ERN1: variants seen among roughly 807,000 people sequenced by gnomAD.
The protein encoded by ERN1 is serine/threonine-protein kinase/endoribonuclease IRE1.
A neutral mutation model predicts 113.1 loss-of-function variants in ERN1; 39 were observed. The observed-to-expected ratio is 0.34, with a 90% CI of 0.27 to 0.45. The LOEUF (loss-of-function observed/expected upper bound fraction) is 0.45. Ranked by LOEUF, ERN1 falls within the 20% of genes least tolerant of loss-of-function variation. The pLI, the probability that ERN1 is intolerant of heterozygous loss-of-function variation, is 1.00. For synonymous variants in ERN1, 507 were observed against 515.9 expected (o/e 0.98, Z 0.23); for missense variants, 976 against 1,274.8 (o/e 0.77, Z 3.57).
chr17:64,042,441 AC>A lies in ERN1; in HGVS notation c.*1546del, dbSNP rs986947042. On this transcript the variant is annotated 3_prime_UTR_variant, in exon 22 of 22. Coordinates refer to ENST00000433197, the MANE Select transcript of ERN1 (RefSeq NM_001433.5). ...CAAATACACAAACAGAAAACATCTT[AC>A]AACATGAAGAAACAGTGATTTCTCT... 1.3e-5 allele frequency: 2 copies of A among 152,374 alleles called. No homozygotes were observed. Among genetic ancestry groups the A allele is most frequent in the Non-Finnish European group, 2.9e-5 (2 of 68,034 alleles). The allele number at this position is 152,374 out of a possible 1,614,324, so 9.4% of individuals were successfully genotyped here.
At chr17:64,103,039 C>T in intron 1 of ERN1, 1 of 764,186 alleles carries the variant, frequency 1.3e-6, no homozygotes, top group Non-Finnish European at 1.6e-6. Context: ...GCTAATTGGT[C>T]CCCACAGACA....
chr17:64,096,064 T>G (rs1412529274), intron 2 of ERN1, among the ~76,000 whole-genome samples: 1 of 152,162 alleles, frequency 6.6e-6, no homozygotes, highest in African/African-American at 2.4e-5. Flanking sequence ...AAGGTCTGCC[T>G]TTTTCATTTT....
At chr17:64,108,108 T>C (rs1444037451) in intron 1 of ERN1, among the ~76,000 whole-genome samples, 1 of 152,156 alleles carries the variant, frequency 6.6e-6, no homozygotes, top group Non-Finnish European at 1.5e-5. Flanking sequence ...CTTTCAGTGT[T>C]TGTGGCAAGT....
chr17:64,052,063 T>G (rs1251689950), intron 17 of ERN1, among the ~76,000 whole-genome samples: 2 of 152,198 alleles, frequency 1.3e-5, no homozygotes, highest in Admixed American at 1.3e-4. Context: ...GATACACAGG[T>G]ATTCATGTTA....
chr17:64,079,755 A>G (rs1030284305), intron 3 of ERN1, 21 bp from the exon 4 acceptor site: 2 of 1,595,548 alleles, frequency 1.3e-6, no homozygotes, highest in African/African-American at 2.7e-5. Flanking sequence ...AATAATAAAT[A>G]TCAAAGATAA....
At chr17:64,064,792 T>C (rs1598054473) in intron 9 of ERN1, among the ~76,000 whole-genome samples, 1 of 151,976 alleles carries the variant, frequency 6.6e-6, no homozygotes, top group Non-Finnish European at 1.5e-5. Flanking sequence ...ATTTGAAGTG[T>C]GAGGTGAGGA....
At chr17:64,106,896 A>G (rs1002580861) in intron 1 of ERN1, among the ~76,000 whole-genome samples, 1 of 152,194 alleles carries the variant, frequency 6.6e-6, no homozygotes, top group African/African-American at 2.4e-5. Context: ...ATGGTATTCT[A>G]TAACACAGAC....
chr17:64,055,827 T>A lies in ERN1; in HGVS notation c.1520A>T (p.Asp507Val), dbSNP rs1341845678. The A allele has an allele frequency of 6.4e-7, 1 of 1,559,632 alleles. No individual in the cohort carries two copies. Among genetic ancestry groups the A allele is most frequent in the Admixed American group, 1.9e-5 (1 of 51,674 alleles). Residue 507 changes from aspartate to valine, a missense_variant, in exon 13 of 22, where the codon GAC (aspartate) becomes GTC (valine). By Grantham distance (152) the Asp-to-Val change is radical. This residue lies in a region of ERN1 where 112 missense variants were observed against 106.2 expected (regional missense o/e 1.05). Coordinates refer to ENST00000433197, the MANE Select transcript of ERN1 (RefSeq NM_001433.5). Reference sequence around the variant, plus strand: ...GCCAGACGTGTCCAGGAGCTCGCCGTCCTGAGCCGTGTCTCCAGGTGGGTG... The same window carrying A: ...GCCAGACGTGTCCAGGAGCTCGCCGACCTGAGCCGTGTCTCCAGGTGGGTG... Reference protein sequence around the residue: ...PFHPPGDTAQDGELLDTSGPY... With the variant: ...PFHPPGDTAQVGELLDTSGPY...
intron 2 of ERN1, among the ~76,000 whole-genome samples, chr17:64,093,412 C>T (rs1409991354): frequency 6.6e-6 from 1 of 152,194 alleles, no homozygotes; most frequent in African/African-American, 2.4e-5. Flanking sequence ...CAACACAGCA[C>T]TTGTTGATCT....
chr17:64,054,549 C>T lies in ERN1; in HGVS notation c.1764-110G>A. On this transcript the variant is annotated intron_variant, in intron 14 of 21. Transcript: ENST00000433197. The surrounding 1 kb of genome is among the most constrained non-coding windows in gnomAD (Gnocchi z 4.9). ...ACCTACTGCCTCCCAGCCTAGAGAGCCCCGCCTGACTGCCTGGTGGCCCCG... is the reference window on the plus strand; with the variant it reads ...ACCTACTGCCTCCCAGCCTAGAGAGTCCCGCCTGACTGCCTGGTGGCCCCG... The T allele has an allele frequency of 8.6e-7, 1 of 1,158,174 alleles. No homozygotes were observed. 71.7% of individuals were successfully genotyped at this position (1,158,174 alleles called of 1,614,324 possible).
At chr17:64,109,916 G>A (rs1203544843) in intron 1 of ERN1, among the ~76,000 whole-genome samples, 2 of 152,178 alleles carry the variant, frequency 1.3e-5, no homozygotes, top group African/African-American at 4.8e-5. Context: ...AATCCTGCTG[G>A]GGTAGATGAA....
chr17:64,078,190 G>A (rs963722566), intron 4 of ERN1, among the ~76,000 whole-genome samples: 6 of 152,180 alleles, frequency 3.9e-5, no homozygotes, highest in Non-Finnish European at 5.9e-5. Flanking sequence ...TCACCAACAT[G>A]TTTTCTTTTT....
At chr17:64,071,746 G>C (rs1913425637) in intron 6 of ERN1, among the ~76,000 whole-genome samples, 1 of 152,182 alleles carries the variant, frequency 6.6e-6, no homozygotes, top group African/African-American at 2.4e-5. Flanking sequence ...TGAGAGAAAT[G>C]AGGCGAGAAA....
At chr17:64,055,201 T>C (rs528738516) in intron 13 of ERN1, among the ~76,000 whole-genome samples, 1 of 152,332 alleles carries the variant, frequency 6.6e-6, no homozygotes, top group Admixed American at 6.5e-5. Context: ...CACTGAAGCA[T>C]TCAGGTGGCG....
chr17:64,109,447 A>G (rs1443877019), intron 1 of ERN1, among the ~76,000 whole-genome samples: 1 of 152,222 alleles, frequency 6.6e-6, no homozygotes, highest in African/African-American at 2.4e-5. Context: ...CCGAGTTGAG[A>G]TATCTGGCTT....
At chr17:64,078,815 G>A (rs1913678446) in intron 4 of ERN1, among the ~76,000 whole-genome samples, 2 of 152,098 alleles carry the variant, frequency 1.3e-5, no homozygotes, top group Admixed American at 6.5e-5. Flanking sequence ...GACCAGCCTA[G>A]GCAATATGAT....
At chr17:64,074,798 G>A (rs1567871064) in intron 5 of ERN1, among the ~76,000 whole-genome samples, 1 of 152,214 alleles carries the variant, frequency 6.6e-6, no homozygotes, top group African/African-American at 2.4e-5. Context: ...CTGATAGCAG[G>A]AAATACTAAG....
chr17:64,096,492 G>A (rs1914233509), intron 2 of ERN1, among the ~76,000 whole-genome samples: 1 of 152,102 alleles, frequency 6.6e-6, no homozygotes. Flanking sequence ...TTACAATGTA[G>A]TAATAATTAT....
At chr17:64,115,862 T>C (rs1914790254) in intron 1 of ERN1, among the ~76,000 whole-genome samples, 1 of 152,122 alleles carries the variant, frequency 6.6e-6, no homozygotes, top group Non-Finnish European at 1.5e-5. Context: ...CTCTGAAGCA[T>C]GATGATCCAT....
Sources: allele counts gnomAD v4.1 joint callset (sites outside exome capture counted in the v4.1 genomes callset), GRCh38; gene constraint gnomAD v4.1.1; regional missense constraint gnomAD v4.1.1; non-coding constraint Gnocchi (gnomAD v3.1); transcripts MANE v1.5; gene names NCBI Gene and HGNC (gene_info 2026-07-23, HGNC 2026-07-21).